Variants in LRPPRC observed in about 807,000 individuals in gnomAD.
LRPPRC encodes leucine-rich PPR motif-containing protein, mitochondrial.
Under a neutral mutation model 180.3 loss-of-function variants are expected in LRPPRC, and 120 were observed. The ratio of observed to expected loss-of-function variants is 0.67; its 90% CI spans 0.57 to 0.77. The LOEUF (loss-of-function observed/expected upper bound fraction) is 0.77. Among genes scored for constraint, LRPPRC ranks in the 30% least tolerant of loss-of-function variants. The pLI, the probability that LRPPRC is intolerant of heterozygous loss-of-function variation, is 0.00. For synonymous variants in LRPPRC, 723 were observed against 600.0 expected (o/e 1.21, Z -3.00); for missense variants, 2,012 against 1,657.2 (o/e 1.21, Z -3.72).
At chr2:43,955,858 A>G (rs1673093880) in intron 14 of LRPPRC, among the ~76,000 whole-genome samples, 1 of 152,178 alleles carries the variant, frequency 6.6e-6, no homozygotes, top group Non-Finnish European at 1.5e-5. Flanking sequence ...GTCTCAAATT[A>G]CCACCCCATA....
chr2:43,890,012 G>A, intron 36 of LRPPRC, 136 bp from the exon 37 acceptor site: 1 of 667,106 alleles, frequency 1.5e-6, no homozygotes, highest in Non-Finnish European at 2.7e-6. Context: ...TCAGTAAGAA[G>A]CCACATTCAG....
Position 43,912,435 on chromosome 2 carries a change from G to A in LRPPRC, c.3272C>T (p.Ala1091Val). 2 of 1,609,414 alleles carry A rather than the reference G, an allele frequency of 1.2e-6. No homozygotes were observed. The highest frequency in any genetic ancestry group is 8.5e-7 in the Non-Finnish European group (1 of 1,176,032). The change falls in exon 30 of 38, where the codon GCA becomes GTA. Residue 1091 changes from alanine to valine, a missense_variant. Physicochemically the swap from Ala to Val is moderately conservative, Grantham distance 64. Transcript: ENST00000260665. ...DYFTQAMEVK[A>V]FAETHIKGFT... ...TAATAAATGGACTAACACTTACAATGCTTTCACTTCCATTGCTTGTGTAAA... is the reference window on the plus strand; with the variant it reads ...TAATAAATGGACTAACACTTACAATACTTTCACTTCCATTGCTTGTGTAAA...
chr2:43,995,708 A>G (rs2103796177), intron 1 of LRPPRC, 91 bp downstream of exon 1: 1 of 1,198,834 alleles, frequency 8.3e-7, no homozygotes, highest in Non-Finnish European at 1.1e-6. Flanking sequence ...AAGGGTGGCG[A>G]GCACAGGCAG....
chr2:43,901,739 CTTCT>C (rs1347883822), intron 31 of LRPPRC: 5 of 534,822 alleles, frequency 9.3e-6, no homozygotes, highest in African/African-American at 5.7e-5. Context: ...CGAGGAATTT[CTTCT>C]TTAAGTCACA....
At chr2:43,967,398 T>TGGAA (rs1413897469) in intron 11 of LRPPRC, among the ~76,000 whole-genome samples, 1 of 68,424 alleles carries the variant, frequency 1.5e-5, no homozygotes, top group Admixed American at 1.1e-4. Context: ...GATCGATTGA[T>TGGAA]AGAAAGACAG....
chr2:43,995,911 G>A lies in LRPPRC; in HGVS notation c.37C>T (p.Arg13Cys), dbSNP rs764078634. 4.0e-6 allele frequency: 6 copies of A among 1,516,242 alleles called. No homozygotes were observed. The highest frequency in any genetic ancestry group is 2.4e-5 in the South Asian group (2 of 82,084). The allele number at this position is 1,516,242 out of a possible 1,614,324, so 93.9% of individuals were successfully genotyped here. A position where few individuals can be genotyped will look rare whatever the true frequency, so the allele number is the denominator to read the frequency against. ...ALLRSARWLL[R>C]AGAAPRLPLS... is the part of the protein sequence containing the mutation. ...GGGAGGCGCGGGGCCGCCCCGGCAC[G>A]CAGCAACCAACGCGCGGATCTCAGC... The change falls in exon 1 of 38, where the codon CGT (arginine) becomes TGT (cysteine). Residue 13 changes from arginine (R) to cysteine (C), a missense_variant. Coordinates refer to ENST00000260665, the MANE Select transcript of LRPPRC (RefSeq NM_133259.4).
intron 30 of LRPPRC, among the ~76,000 whole-genome samples, chr2:43,906,142 C>A (rs968162518): frequency 2.0e-5 from 3 of 151,924 alleles, no homozygotes; most frequent in Non-Finnish European, 4.4e-5. Context: ...TCTACATTCA[C>A]AGTAATTATA....
chr2:43,975,998 G>A (rs897672854), intron 6 of LRPPRC, 145 bp downstream of exon 6: 20 of 609,884 alleles, frequency 3.3e-5, no homozygotes, highest in Admixed American at 5.8e-5. Flanking sequence ...TTTTTTGAAG[G>A]GATAGACAAA....
At chr2:43,926,075 A>G (rs1572928398) in intron 25 of LRPPRC, 114 bp from the exon 26 acceptor site, 1 of 682,750 alleles carries the variant, frequency 1.5e-6, no homozygotes, top group South Asian at 1.6e-5. Context: ...TATATACTAA[A>G]CTTATATACT....
chr2:43,970,215 A>C (rs1673743184), intron 11 of LRPPRC, among the ~76,000 whole-genome samples: 1 of 152,206 alleles, frequency 6.6e-6, no homozygotes, highest in African/African-American at 2.4e-5. Flanking sequence ...AACATTTATC[A>C]GAAGGAGGAG....
chr2:43,958,775 G>C (rs558677944), intron 13 of LRPPRC, among the ~76,000 whole-genome samples: 1 of 152,262 alleles, frequency 6.6e-6, no homozygotes, highest in East Asian at 1.9e-4. Context: ...GTAGTAACCA[G>C]TAGTGCATTC....
intron 23 of LRPPRC, among the ~76,000 whole-genome samples, chr2:43,938,109 C>T (rs1017861765): frequency 3.3e-5 from 5 of 151,942 alleles, no homozygotes; most frequent in Non-Finnish European, 7.4e-5. Flanking sequence ...AAGGCTCACT[C>T]CTAATAAAAA....
chr2:43,954,185 T>C (rs1193816041), intron 14 of LRPPRC, among the ~76,000 whole-genome samples: 1 of 152,074 alleles, frequency 6.6e-6, no homozygotes, highest in Non-Finnish European at 1.5e-5. Flanking sequence ...GCAACAAGGT[T>C]TAAAAAAAAA....
intron 12 of LRPPRC, among the ~76,000 whole-genome samples, chr2:43,961,282 G>A (rs1673336028): frequency 6.6e-6 from 1 of 152,150 alleles, no homozygotes; most frequent in African/African-American, 2.4e-5. Context: ...TTTTCTTCAG[G>A]TCTCTAGTAA....
intron 11 of LRPPRC, among the ~76,000 whole-genome samples, chr2:43,964,488 C>A (rs988272342): frequency 1.3e-5 from 2 of 152,104 alleles, no homozygotes; most frequent in African/African-American, 4.8e-5. Flanking sequence ...AGCTTCATTA[C>A]TTTCACATTA....
Position 43,896,653 on chromosome 2 carries a change from T to C in LRPPRC, c.3881A>G (p.Asn1294Ser), listed in dbSNP as rs1165065480. 6 of 1,610,734 alleles carry C rather than the reference T, an allele frequency of 3.7e-6. No homozygotes were observed. Among genetic ancestry groups the C allele is most frequent in the Non-Finnish European group, 5.1e-6 (6 of 1,176,992 alleles). The change falls in exon 35 of 38, where the codon AAT becomes AGT. Residue 1294 changes from asparagine to serine, a missense_variant. By Grantham distance (46) the Asn-to-Ser change is conservative (BLOSUM62 1). Transcript: ENST00000260665. Reference protein sequence around the residue: ...TPILLLFLLRNSRKQGKASTV... With the variant: ...TPILLLFLLRSSRKQGKASTV... ...CAGTACCTTTCCTTGTTTCCTAGAATTCCTAAGGAGGAACAACAACAAAAT... is the reference window on the plus strand; with the variant it reads ...CAGTACCTTTCCTTGTTTCCTAGAACTCCTAAGGAGGAACAACAACAAAAT...
At chr2:43,941,169 T>C (rs1270428838) in intron 23 of LRPPRC, among the ~76,000 whole-genome samples, 2 of 152,198 alleles carry the variant, frequency 1.3e-5, no homozygotes, top group African/African-American at 4.8e-5. Context: ...TTTTACATTG[T>C]CTAAATAACA....
chr2:43,928,215 G>A (rs1671958344), intron 25 of LRPPRC, among the ~76,000 whole-genome samples: 1 of 151,914 alleles, frequency 6.6e-6, no homozygotes, highest in Non-Finnish European at 1.5e-5. Context: ...TACTTGTATA[G>A]GGGAAAAAAA....
chr2:43,945,368 G>A lies in LRPPRC; in HGVS notation c.2260C>T (p.Leu754Phe), dbSNP rs1161022763. 1 of 1,612,490 alleles carries A rather than the reference G, an allele frequency of 6.2e-7. No individual in the cohort carries two copies. Among genetic ancestry groups the A allele is most frequent in the Admixed American group, 1.7e-5 (1 of 59,972 alleles). ...AVLDTGKYVGLVRVLAKHGKL... is the reference protein window; with the variant it reads ...AVLDTGKYVGFVRVLAKHGKL... Reference sequence around the variant, plus strand: ...CCATGCTTTGCCAATACTCTTACAAGGCCTACATACTTGCCGGTGTCAAGG... The same window carrying A: ...CCATGCTTTGCCAATACTCTTACAAAGCCTACATACTTGCCGGTGTCAAGG... The change falls in exon 22 of 38, where the codon CTT becomes TTT. Residue 754 changes from leucine to phenylalanine, a missense_variant. By Grantham distance (22) the Leu-to-Phe change is conservative. Transcript: ENST00000260665.
Sources: allele counts gnomAD v4.1 joint callset (sites outside exome capture counted in the v4.1 genomes callset), GRCh38; gene constraint gnomAD v4.1.1; transcripts MANE v1.5; gene names NCBI Gene and HGNC (gene_info 2026-07-23, HGNC 2026-07-21).